RAPGEF4: variants seen among roughly 807,000 people sequenced by gnomAD.
RAPGEF4 encodes Rap guanine nucleotide exchange factor 4, also known as RAP guanine-nucleotide-exchange factor (GEF) 4.
Under a neutral mutation model 147.9 loss-of-function variants are expected in RAPGEF4, and 66 were observed. The observed-to-expected ratio is 0.45, with a 90% CI of 0.37 to 0.55. The LOEUF (loss-of-function observed/expected upper bound fraction) is 0.55. RAPGEF4 is among the 20% of genes least tolerant of loss of function. The pLI is 0.00. For missense variants in RAPGEF4, 1,071 were observed against 1,257.3 expected, an observed-to-expected ratio of 0.85 and a Z score of 2.24; for synonymous variants, 419 against 442.7, an observed-to-expected ratio of 0.95 and a Z score of 0.67.
At chr2:172,940,858 C>T (rs997969015) in intron 6 of RAPGEF4, among the ~76,000 whole-genome samples, 1 of 152,112 alleles carries the variant, frequency 6.6e-6, no homozygotes, top group African/African-American at 2.4e-5. Flanking sequence ...AATTTATGAA[C>T]ATGGAATATG....
chr2:172,841,404 C>T (rs925204517), intron 4 of RAPGEF4, among the ~76,000 whole-genome samples: 7 of 152,166 alleles, frequency 4.6e-5, no homozygotes, highest in Non-Finnish European at 5.9e-5. Flanking sequence ...CTTGTACAGC[C>T]AACAGATCCA....
intron 3 of RAPGEF4, among the ~76,000 whole-genome samples, chr2:172,804,443 C>G (rs1687282406): frequency 6.6e-6 from 1 of 152,152 alleles, no homozygotes; most frequent in African/African-American, 2.4e-5. Context: ...ATTTACAGAG[C>G]ATTTCAGGAA....
In RAPGEF4 at chr2:173,001,832, C is replaced by T. The variant is rs572445035; in HGVS notation, c.1658+488C>T. Among the ~76,000 whole-genome samples, 15 of 151,704 alleles carry T rather than the reference C, an allele frequency of 9.9e-5. No individual in the cohort carries two copies. The South Asian group carries it at 1.5e-3, about 15-fold the overall frequency. ...CTATCTCAAGGACAGCACCAAGACA[C>T]GAGGGGTCCACCCCCATGAACCAAA... On this transcript the variant is annotated intron_variant, in intron 17 of 30. Coordinates refer to ENST00000397081, the MANE Select transcript of RAPGEF4 (RefSeq NM_007023.4).
chr2:172,791,715 A>C (rs1044051540), intron 1 of RAPGEF4, among the ~76,000 whole-genome samples: 2 of 152,172 alleles, frequency 1.3e-5, no homozygotes, highest in Non-Finnish European at 2.9e-5. Flanking sequence ...CAGTTATCTC[A>C]AATTAATTTT....
intron 4 of RAPGEF4, among the ~76,000 whole-genome samples, chr2:172,900,944 G>C (rs1699000755): frequency 6.6e-6 from 1 of 152,028 alleles, no homozygotes; most frequent in Non-Finnish European, 1.5e-5. Context: ...AGTGTTGAAA[G>C]AGAAAACACA....
intron 1 of RAPGEF4, among the ~76,000 whole-genome samples, chr2:172,771,157 C>T (rs1026343737): frequency 6.6e-6 from 1 of 151,898 alleles, no homozygotes; most frequent in Non-Finnish European, 1.5e-5. Flanking sequence ...TTATTGCCCA[C>T]AGTTCTGGAG....
At chr2:172,941,583 G>A (rs1281558303) in intron 6 of RAPGEF4, among the ~76,000 whole-genome samples, 1 of 151,996 alleles carries the variant, frequency 6.6e-6, no homozygotes, top group Non-Finnish European at 1.5e-5. Flanking sequence ...TCATTATTAA[G>A]GCTTTTGAAA....
intron 3 of RAPGEF4, among the ~76,000 whole-genome samples, chr2:172,804,134 T>G (rs902239067): frequency 6.6e-6 from 1 of 152,044 alleles, no homozygotes; most frequent in East Asian, 1.9e-4. Context: ...AAAAAAAAAA[T>G]CAACCTCTTT....
At chr2:172,735,507 A>G (rs556982564), upstream of RAPGEF4, 59 of 152,300 alleles carry the variant, frequency 3.9e-4, no homozygotes, top group Admixed American at 2.8e-3. Flanking sequence ...CATTTGCTGT[A>G]TGAAAAATAT....
At chr2:172,783,279 T>C (rs76599085) in intron 1 of RAPGEF4, among the ~76,000 whole-genome samples, 1 of 152,212 alleles carries the variant, frequency 6.6e-6, no homozygotes, top group East Asian at 1.9e-4. Context: ...TTTATTGCTT[T>C]GCTTAAGGGC....
intron 30 of RAPGEF4, among the ~76,000 whole-genome samples, chr2:173,049,225 T>G (rs1036827529): frequency 3.3e-5 from 5 of 152,210 alleles, no homozygotes; most frequent in Non-Finnish European, 5.9e-5. Context: ...ACTGGTATAA[T>G]ACTTTAATAT....
At chr2:172,752,833 G>A (rs537898925) in intron 1 of RAPGEF4, among the ~76,000 whole-genome samples, 5 of 152,272 alleles carry the variant, frequency 3.3e-5, no homozygotes, top group East Asian at 1.9e-4. Flanking sequence ...ATCTCCTTGC[G>A]CTGTAGCTGT....
At chr2:172,974,007 C>T (rs978082341) in intron 10 of RAPGEF4, among the ~76,000 whole-genome samples, 1 of 152,220 alleles carries the variant, frequency 6.6e-6, no homozygotes, top group African/African-American at 2.4e-5. Flanking sequence ...CTTGCCCTCT[C>T]CCTACTTCAC....
intron 8 of RAPGEF4, among the ~76,000 whole-genome samples, chr2:172,961,615 A>G (rs1355926635): frequency 6.6e-6 from 1 of 152,220 alleles, no homozygotes; most frequent in Non-Finnish European, 1.5e-5. Context: ...CATTTCATTC[A>G]CATAACACTG....
At chr2:172,782,296 C>T (rs1229281278) in intron 1 of RAPGEF4, among the ~76,000 whole-genome samples, 1 of 152,176 alleles carries the variant, frequency 6.6e-6, no homozygotes, top group Non-Finnish European at 1.5e-5. Flanking sequence ...CATGCTGTGC[C>T]TTAGGTGGGC....
chr2:172,818,222 T>C (rs557418804), intron 4 of RAPGEF4, among the ~76,000 whole-genome samples: 13 of 152,002 alleles, frequency 8.6e-5, no homozygotes, highest in African/African-American at 3.1e-4. Flanking sequence ...AAGACTACCA[T>C]TGGGTACAGA....
intron 4 of RAPGEF4, among the ~76,000 whole-genome samples, chr2:172,839,333 A>G (rs114913521): frequency 0.015 from 2,281 of 152,234 alleles, 20 homozygotes; most frequent in South Asian, 0.033. Context: ...GCTAGTCCGT[A>G]GACAGAGCAG....
At chr2:173,037,847 T>C (rs1244117507) in intron 29 of RAPGEF4, among the ~76,000 whole-genome samples, 1 of 152,224 alleles carries the variant, frequency 6.6e-6, no homozygotes, top group South Asian at 2.1e-4. Flanking sequence ...CATCTATCTC[T>C]GGATTATGTA....
At chr2:172,866,121 AACAAG>A (rs2149793751) in intron 4 of RAPGEF4, among the ~76,000 whole-genome samples, 1 of 152,228 alleles carries the variant, frequency 6.6e-6, no homozygotes, top group East Asian at 1.9e-4. Context: ...TTTAAAAGAG[AACAAG>A]ACAAAACAAA....
Sources: allele counts gnomAD v4.1 joint callset (sites outside exome capture counted in the v4.1 genomes callset), GRCh38; gene constraint gnomAD v4.1.1; transcripts MANE v1.5; gene names NCBI Gene and HGNC (gene_info 2026-07-23, HGNC 2026-07-21).